Variants in CDH12 observed in about 807,000 individuals in gnomAD.
The protein encoded by CDH12 is cadherin 12, also known as cadherin-12.
Under a neutral mutation model 74.1 loss-of-function variants are expected in CDH12, and 41 were observed. The observed-to-expected ratio is 0.55, with a 90% CI of 0.43 to 0.72. The LOEUF (loss-of-function observed/expected upper bound fraction) is 0.72, where lower values mean the gene tolerates loss of function less well. CDH12 is among the 30% of genes least tolerant of loss of function. The pLI is 0.00. For missense variants in CDH12, 945 were observed against 977.2 expected (o/e 0.97, Z 0.44); for synonymous variants, 399 against 355.0 (o/e 1.12, Z -1.39).
At chr5:22,744,602 T>C (rs945648319) in intron 1 of CDH12, among the ~76,000 whole-genome samples, 2 of 152,204 alleles carry the variant, frequency 1.3e-5, no homozygotes, top group Non-Finnish European at 2.9e-5. Context: ...AATGAGGTTA[T>C]TGTATCACTT....
intron 6 of CDH12, among the ~76,000 whole-genome samples, chr5:21,875,152 T>G (rs1471269622): frequency 3.3e-5 from 5 of 152,212 alleles, no homozygotes; most frequent in East Asian, 1.9e-4. Flanking sequence ...AGTTAACCAT[T>G]GTGGAAGACA....
chr5:22,594,240 A>G (rs954110700), intron 1 of CDH12, among the ~76,000 whole-genome samples: 3 of 152,214 alleles, frequency 2.0e-5, no homozygotes, highest in Non-Finnish European at 1.5e-5. Context: ...AGCTTTCAAC[A>G]GCACAATCTT....
At chr5:21,976,778 C>A (rs1040003616) in intron 5 of CDH12, among the ~76,000 whole-genome samples, 1 of 151,956 alleles carries the variant, frequency 6.6e-6, no homozygotes, top group Non-Finnish European at 1.5e-5. Context: ...ATGAGCACTG[C>A]TCTTTGCAAA....
At position 21,973,047 on chromosome 5, in the gene CDH12, TA is replaced by T. The variant is rs746404771; in HGVS notation, c.526+2043del. 8.9e-3 allele frequency among the ~76,000 whole-genome samples: 918 copies of T among 103,610 alleles called. 3 individuals are homozygous for T. Among genetic ancestry groups the T allele is most frequent in the Middle Eastern group, 0.015 (3 of 198 alleles). 68.0% of individuals were successfully genotyped at this position (103,610 alleles called of 152,430 possible). On this transcript the variant is annotated intron_variant, in intron 6 of 14. Coordinates refer to ENST00000382254, the MANE Select transcript of CDH12 (RefSeq NM_004061.5). ...AGCTAGATCCCTTCTCTACAAAAAG[TA>T]AAAAAAAAAAAAAAAAAATAGCTAG...
intron 8 of CDH12, among the ~76,000 whole-genome samples, chr5:21,828,526 G>A (rs904423848): frequency 1.3e-5 from 2 of 152,126 alleles, no homozygotes; most frequent in Non-Finnish European, 1.5e-5. Context: ...TAAAAAAGAT[G>A]AAATTTGGTA....
At chr5:21,777,435 T>G (rs1745653499) in intron 11 of CDH12, among the ~76,000 whole-genome samples, 1 of 152,154 alleles carries the variant, frequency 6.6e-6, no homozygotes, top group African/African-American at 2.4e-5. Context: ...TTCAACTATA[T>G]GTACATTGCA....
chr5:22,671,022 T>C (rs1379771297), intron 1 of CDH12, among the ~76,000 whole-genome samples: 1 of 150,968 alleles, frequency 6.6e-6, no homozygotes, highest in East Asian at 1.9e-4. Flanking sequence ...GAAATATATG[T>C]GTGCATATAT....
chr5:22,514,587 C>G (rs1736732349), intron 1 of CDH12, among the ~76,000 whole-genome samples: 1 of 152,000 alleles, frequency 6.6e-6, no homozygotes, highest in African/African-American at 2.4e-5. Context: ...TTGTTAAAGA[C>G]AAATATCTGT....
intron 5 of CDH12, among the ~76,000 whole-genome samples, chr5:22,072,118 G>T (rs142841759): frequency 6.6e-6 from 1 of 151,608 alleles, no homozygotes; most frequent in Admixed American, 6.6e-5. Flanking sequence ...CTTTTTCCCC[G>T]TCTTCAATGC....
intron 6 of CDH12, among the ~76,000 whole-genome samples, chr5:21,861,209 T>A (rs1251245498): frequency 1.3e-5 from 2 of 151,800 alleles, no homozygotes; most frequent in African/African-American, 4.8e-5. Context: ...CTACATTGAT[T>A]TATTTTTATC....
At chr5:21,786,468 T>C (rs1746205827) in intron 10 of CDH12, among the ~76,000 whole-genome samples, 1 of 151,960 alleles carries the variant, frequency 6.6e-6, no homozygotes, top group South Asian at 2.1e-4. Context: ...CTAAATATTT[T>C]AAGTCTACTG....
chr5:22,839,185 A>G (rs989316374), intron 1 of CDH12, among the ~76,000 whole-genome samples: 3 of 152,156 alleles, frequency 2.0e-5, no homozygotes, highest in African/African-American at 7.2e-5. Flanking sequence ...TCATGCTACA[A>G]CAAAAGGGGT....
At chr5:22,067,081 T>C (rs975253829) in intron 5 of CDH12, among the ~76,000 whole-genome samples, 2 of 152,184 alleles carry the variant, frequency 1.3e-5, no homozygotes, top group Admixed American at 1.3e-4. Context: ...CTCAGGGGTA[T>C]ATTAACTCTT....
chr5:22,162,366 C>A (rs559211318), intron 4 of CDH12, among the ~76,000 whole-genome samples: 5 of 152,298 alleles, frequency 3.3e-5, no homozygotes, highest in African/African-American at 1.2e-4. Flanking sequence ...TACCCTCCCA[C>A]ACACCCTTAC....
chr5:22,652,722 G>A (rs895073504), intron 1 of CDH12, among the ~76,000 whole-genome samples: 1 of 152,090 alleles, frequency 6.6e-6, no homozygotes, highest in African/African-American at 2.4e-5. Context: ...TATTTGAAAT[G>A]TACAAGAAAT....
chr5:22,029,230 A>G (rs928390012), intron 5 of CDH12, among the ~76,000 whole-genome samples: 8 of 152,088 alleles, frequency 5.3e-5, no homozygotes, highest in Non-Finnish European at 8.8e-5. Flanking sequence ...AAACACCAAA[A>G]GCAATGGCAA....
chr5:21,895,000 T>C (rs1419965582), intron 6 of CDH12, among the ~76,000 whole-genome samples: 2 of 133,456 alleles, frequency 1.5e-5, no homozygotes, highest in Non-Finnish European at 3.2e-5. Context: ...CACCAACTAA[T>C]ACGTAGCAAA....
In CDH12 at chr5:22,078,577, C is replaced by G. The variant is rs117878510; in HGVS notation, c.100G>C (p.Glu34Gln). 1,151 of 1,613,960 alleles carry G rather than the reference C, an allele frequency of 7.1e-4. 12 individuals are homozygous for G. The East Asian group carries it at 0.022, about 31-fold the overall frequency. ...QPQPQQTLAT[E>Q]PRENVIHLPG... ...AGATGGATAACATTTTCTCTTGGCT[C>G]TGTGGCTAAAGTCTGCTGTGGCTGT... The change falls in exon 5 of 15, where the codon GAG (glutamate) becomes CAG (glutamine). Residue 34 changes from glutamate (E) to glutamine (Q), a missense_variant. This residue lies in a region of CDH12 where 148 missense variants were observed against 162.8 expected (regional missense o/e 0.91). Transcript: ENST00000382254.
chr5:22,196,869 C>T (rs1190754639), intron 4 of CDH12, among the ~76,000 whole-genome samples: 2 of 151,988 alleles, frequency 1.3e-5, no homozygotes, highest in Non-Finnish European at 2.9e-5. Context: ...GCTTCTTTTC[C>T]CCAAGGAAAG....
Sources: gnomAD v4.1 joint callset for allele counts (sites outside exome capture counted in the v4.1 genomes callset) on GRCh38, gnomAD v4.1.1 for gene constraint, gnomAD v4.1.1 regional missense constraint, MANE v1.5 for transcripts, NCBI Gene and HGNC (gene_info 2026-07-23, HGNC 2026-07-21) for gene names.